The following SOCS6 variants were observed in gnomAD, a reference collection of about 807,000 sequenced individuals.
The protein encoded by SOCS6 is STAT induced STAT inhibitor-4.
In SOCS6, 5 loss-of-function variants were observed where a neutral mutation model predicts 27.7. That is an observed-to-expected ratio of 0.18 (90% confidence interval 0.09 to 0.38). The LOEUF (loss-of-function observed/expected upper bound fraction) is 0.38, where lower values mean the gene tolerates loss of function less well. Among genes scored for constraint, SOCS6 ranks in the 10% least tolerant of loss-of-function variants. The probability of loss-of-function intolerance (pLI) is 1.00; values close to 1 mark genes in which losing one functional copy is unlikely to be tolerated. For synonymous variants in SOCS6, 271 were observed against 260.0 expected (o/e 1.04, Z -0.41); for missense variants, 595 against 688.1 (o/e 0.86, Z 1.51).
chr18:70,321,918 CAT>C (rs1025566636), intron 1 of SOCS6, among the ~76,000 whole-genome samples: 5 of 152,242 alleles, frequency 3.3e-5, no homozygotes, highest in Admixed American at 1.3e-4. Context: ...CCAGTTTCCT[CAT>C]TTTATAAAAT....
Position 70,325,204 on chromosome 18 carries a change from A to G in SOCS6, c.536A>G (p.Gln179Arg), listed in dbSNP as rs1265866088. ...NGVRKDFHDL[Q>R]SETTCQEQAN... is the part of the protein sequence containing the mutation. ...GTCCGGAAGGATTTCCACGACCTCC[A>G]GTCTGAGACCACGTGCCAGGAGCAA... Residue 179 changes from glutamine (Q) to arginine (R), a missense_variant, in exon 2 of 2, where the codon CAG becomes CGG. Around this residue, in one of 2 missense-constraint regions of SOCS6, gnomAD observed 467 missense variants for 481.1 expected, o/e 0.97. Transcript: ENST00000397942. The surrounding 1 kb of genome is among the most constrained non-coding windows in gnomAD (Gnocchi z 6.3). 1 of 1,614,158 alleles carries G rather than the reference A, an allele frequency of 6.2e-7. No individual in the cohort carries two copies. The highest frequency in any genetic ancestry group is 8.5e-7 in the Non-Finnish European group (1 of 1,179,986).
intron 1 of SOCS6, among the ~76,000 whole-genome samples, chr18:70,322,688 A>C (rs1035246111): frequency 6.6e-6 from 1 of 152,192 alleles, no homozygotes; most frequent in African/African-American, 2.4e-5. Context: ...TGGTGCTTCA[A>C]ATATTTTAAG....
At chr18:70,324,224 C>T (rs2231558) in intron 1 of SOCS6, among the ~76,000 whole-genome samples, 2,492 of 151,926 alleles carry the variant, frequency 0.016, 31 homozygotes, top group Middle Eastern at 0.031. Flanking sequence ...ATGGCGTGAA[C>T]CCAGGAGGCA....
intron 1 of SOCS6, among the ~76,000 whole-genome samples, chr18:70,308,749 G>A (rs1437664933): frequency 1.3e-5 from 2 of 152,084 alleles, no homozygotes; most frequent in East Asian, 3.9e-4. Flanking sequence ...GTTTTGTTAA[G>A]TGCATATGTG....
Position 70,325,603 on chromosome 18 carries a change from C to A in SOCS6, c.935C>A (p.Pro312Gln), listed in dbSNP as rs1192429208. ...AGHDDVPPLS[P>Q]LLPPMQNNQI... ...CACGATGATGTCCCTCCACTCTCACCATTGCTACCTCCAATGCAGAATAAT... is the reference window on the plus strand; with the variant it reads ...CACGATGATGTCCCTCCACTCTCACAATTGCTACCTCCAATGCAGAATAAT... Residue 312 changes from proline to glutamine, a missense_variant, in exon 2 of 2, where the codon CCA becomes CAA. Pro to Gln is a moderately conservative substitution (Grantham distance 76, BLOSUM62 -1). This residue lies in a region of SOCS6 where 467 missense variants were observed against 481.1 expected (regional missense o/e 0.97). Coordinates refer to ENST00000397942, the MANE Select transcript of SOCS6 (RefSeq NM_004232.4). The surrounding 1 kb of genome is among the most constrained non-coding windows in gnomAD (Gnocchi z 6.3). 6.8e-6 allele frequency: 11 copies of A among 1,614,202 alleles called. No individual in the cohort carries two copies. Among genetic ancestry groups the A allele is most frequent in the Non-Finnish European group, 7.6e-6 (9 of 1,180,016 alleles).
intron 1 of SOCS6, among the ~76,000 whole-genome samples, chr18:70,317,550 T>TAC (rs1275864335): frequency 3.4e-5 from 4 of 117,740 alleles, no homozygotes; most frequent in South Asian, 2.4e-4. Flanking sequence ...ACTTCATATA[T>TAC]ACATACACAC....
At position 70,325,585 on chromosome 18, in the gene SOCS6, A is replaced by C. The variant is rs1157449955; in HGVS notation, c.917A>C (p.Asp306Ala). Reference sequence around the variant, plus strand: ...CAGAGCCCGAGAGCGGGTCACGATGATGTCCCTCCACTCTCACCATTGCTA... The same window carrying C: ...CAGAGCCCGAGAGCGGGTCACGATGCTGTCCCTCCACTCTCACCATTGCTA... ...MLQSPRAGHD[D>A]VPPLSPLLPP... The change falls in exon 2 of 2, where the codon GAT (aspartate) becomes GCT (alanine). Residue 306 changes from aspartate (D) to alanine (A), a missense_variant. Coordinates refer to ENST00000397942, the MANE Select transcript of SOCS6 (RefSeq NM_004232.4). The surrounding 1 kb of genome is among the most constrained non-coding windows in gnomAD (Gnocchi z 6.3). 1.2e-6 allele frequency: 2 copies of C among 1,614,030 alleles called. No individual in the cohort carries two copies. The highest frequency in any genetic ancestry group is 1.7e-6 in the Non-Finnish European group (2 of 1,180,022).
intron 1 of SOCS6, among the ~76,000 whole-genome samples, chr18:70,301,055 G>A (rs972661700): frequency 6.6e-6 from 1 of 152,154 alleles, no homozygotes; most frequent in Non-Finnish European, 1.5e-5. Context: ...TGCAGTTGCC[G>A]AGAAGTGTGA....
chr18:70,324,032 G>T (rs1323401457), intron 1 of SOCS6, among the ~76,000 whole-genome samples: 1 of 152,150 alleles, frequency 6.6e-6, no homozygotes, highest in East Asian at 1.9e-4. Flanking sequence ...GGCGGGGCAT[G>T]GTAGCTCAGC....
At chr18:70,311,091 C>T (rs546520430) in intron 1 of SOCS6, among the ~76,000 whole-genome samples, 2 of 152,294 alleles carry the variant, frequency 1.3e-5, no homozygotes, top group East Asian at 1.9e-4. Context: ...CCTCATTCCT[C>T]CTGGTCTGAG....
At chr18:70,310,757 T>C (rs1022680952) in intron 1 of SOCS6, among the ~76,000 whole-genome samples, 7 of 152,174 alleles carry the variant, frequency 4.6e-5, no homozygotes, top group African/African-American at 1.7e-4. Flanking sequence ...GTCTCCTGTC[T>C]ATGCTCTTAA....
rs1184180070 is a variant in SOCS6 at position 70,329,674 on chromosome 18, G to A, written c.*3398G>A. On this transcript the variant is annotated 3_prime_UTR_variant, in exon 2 of 2. Coordinates refer to ENST00000397942, the MANE Select transcript of SOCS6 (RefSeq NM_004232.4). ...CAGTTTTCTTGAAAACTCTAATAAG[G>A]AACAATAGCCAGTTCCGTAAATAAC... The A allele has an allele frequency of 1.8e-5, 3 of 167,000 alleles. No homozygotes were observed. The highest frequency in any genetic ancestry group is 7.2e-5 in the African/African-American group (3 of 41,462). The allele number at this position is 167,000 out of a possible 1,614,324, so 10.3% of individuals were successfully genotyped here. A position where few individuals can be genotyped will look rare whatever the true frequency, so the allele number is the denominator to read the frequency against.
At chr18:70,312,868 G>A (rs919219451) in intron 1 of SOCS6, among the ~76,000 whole-genome samples, 5 of 147,078 alleles carry the variant, frequency 3.4e-5, no homozygotes, top group Non-Finnish European at 7.4e-5. Context: ...CCGCCTCCCG[G>A]GTTCAAGCAA....
At chr18:70,297,049 A>G (rs1385626181) in intron 1 of SOCS6, among the ~76,000 whole-genome samples, 18 of 151,284 alleles carry the variant, frequency 1.2e-4, no homozygotes, top group Admixed American at 1.2e-3. Flanking sequence ...GAGTTCCCTC[A>G]ATTTTTCTTT....
chr18:70,293,168 G>C (rs713129), intron 1 of SOCS6, among the ~76,000 whole-genome samples: 22,216 of 152,040 alleles, frequency 0.15, 1,756 homozygotes, highest in African/African-American at 0.2. Context: ...ACAGAAAGTA[G>C]TTGCGGTTTT....
intron 1 of SOCS6, among the ~76,000 whole-genome samples, chr18:70,300,462 G>C (rs141282095): frequency 6.6e-6 from 1 of 152,116 alleles, no homozygotes; most frequent in East Asian, 1.9e-4. Flanking sequence ...AACACAAAAA[G>C]CATTTTTACA....
intron 1 of SOCS6, among the ~76,000 whole-genome samples, chr18:70,319,576 G>A (rs554921217): frequency 2.1e-5 from 3 of 140,780 alleles, no homozygotes; most frequent in Admixed American, 7.4e-5. Context: ...AGTAATAGTC[G>A]TATGTTCTTT....
At chr18:70,307,251 G>A (rs2062373340) in intron 1 of SOCS6, among the ~76,000 whole-genome samples, 1 of 152,202 alleles carries the variant, frequency 6.6e-6, no homozygotes, top group African/African-American at 2.4e-5. Flanking sequence ...AACAGAATGA[G>A]ACCCTGTCTC....
At chr18:70,318,627 T>TA (rs202005218) in intron 1 of SOCS6, among the ~76,000 whole-genome samples, 2,442 of 152,024 alleles carry the variant, frequency 0.016, 71 homozygotes, top group African/African-American at 0.055. Context: ...TTTTTTTTTT[T>TA]AATCAGATCT....
Sources: allele counts gnomAD v4.1 joint callset (sites outside exome capture counted in the v4.1 genomes callset), GRCh38; gene constraint gnomAD v4.1.1; regional missense constraint gnomAD v4.1.1; non-coding constraint Gnocchi (gnomAD v3.1); transcripts MANE v1.5; gene names NCBI Gene and HGNC (gene_info 2026-07-23, HGNC 2026-07-21).